Variants in TLCD4 observed in about 807,000 individuals in gnomAD.
TLCD4 encodes the protein TLC domain-containing protein 4.
Under a neutral mutation model 24.2 loss-of-function variants are expected in TLCD4, and 7 were observed. That is an observed-to-expected ratio of 0.29 (90% CI 0.16 to 0.54). TLCD4 has a LOEUF of 0.54. Ranked by LOEUF, TLCD4 falls within the 20% of genes least tolerant of loss-of-function variation. The pLI is 0.95. For synonymous variants in TLCD4, 103 were observed against 106.4 expected (o/e 0.97, Z 0.20); for missense variants, 259 against 313.9 (o/e 0.82, Z 1.32).
chr1:95,104,808 T>C, the TLCD4 span, among the ~76,000 whole-genome samples: 7 of 151,718 alleles, frequency 4.6e-5, no homozygotes, highest in Admixed American at 2.0e-4. Flanking sequence ...TGGGTGAATT[T>C]CTTGAGCTCA....
At chr1:95,175,373 CTT>C (rs1195927619) in intron 6 of TLCD4, among the ~76,000 whole-genome samples, 1 of 152,178 alleles carries the variant, frequency 6.6e-6, no homozygotes, top group Non-Finnish European at 1.5e-5. Context: ...GGATTTTCTT[CTT>C]TTTAAAGGCT....
intron 1 of TLCD4, among the ~76,000 whole-genome samples, chr1:95,133,374 T>TAA (rs1267787934): frequency 8.2e-6 from 1 of 121,560 alleles, no homozygotes; most frequent in Non-Finnish European, 1.6e-5. Context: ...CCCTAAAACT[T>TAA]AAAGTATAAT....
chr1:95,185,676 A>G (rs1471733931), intron 6 of TLCD4, among the ~76,000 whole-genome samples: 1 of 152,194 alleles, frequency 6.6e-6, no homozygotes, highest in Non-Finnish European at 1.5e-5. Context: ...TCTTTTCTTT[A>G]TGATTTTCTT....
At chr1:95,176,636 A>C (rs1460412668) in intron 6 of TLCD4, among the ~76,000 whole-genome samples, 1 of 152,196 alleles carries the variant, frequency 6.6e-6, no homozygotes, top group Non-Finnish European at 1.5e-5. Context: ...GATGTGCAGA[A>C]GATTTTAAAG....
intron 5 of TLCD4, 55 bp from the exon 6 acceptor site, chr1:95,173,761 G>C: frequency 6.2e-7 from 1 of 1,609,278 alleles, no homozygotes; most frequent in Non-Finnish European, 8.5e-7. Context: ...TACGGTATTT[G>C]GGAATTTTGT....
At chr1:95,119,283 C>G (rs2100897125) in intron 1 of TLCD4, among the ~76,000 whole-genome samples, 1 of 152,240 alleles carries the variant, frequency 6.6e-6, no homozygotes, top group South Asian at 2.1e-4. Flanking sequence ...AGTACAGATG[C>G]AAGAGTTGGC....
chr1:95,095,794 A>C, the TLCD4 span, among the ~76,000 whole-genome samples: 2 of 152,238 alleles, frequency 1.3e-5, no homozygotes, highest in African/African-American at 4.8e-5. Context: ...TAAATGATTA[A>C]GTCATGTAGG....
At chr1:95,131,997 C>T (rs1055077773) in intron 1 of TLCD4, among the ~76,000 whole-genome samples, 1 of 152,122 alleles carries the variant, frequency 6.6e-6, no homozygotes, top group Non-Finnish European at 1.5e-5. Context: ...AAAGCTGGGA[C>T]GCCACCCAGG....
chr1:95,170,361 G>A (rs962813525), intron 5 of TLCD4, among the ~76,000 whole-genome samples: 1 of 130,422 alleles, frequency 7.7e-6, no homozygotes, highest in Non-Finnish European at 1.6e-5. Flanking sequence ...GAAGAGTCTC[G>A]CTCTGTCCCC....
chr1:95,136,672 T>G (rs1019878338), intron 1 of TLCD4, among the ~76,000 whole-genome samples: 3 of 152,196 alleles, frequency 2.0e-5, no homozygotes, highest in Admixed American at 2.0e-4. Flanking sequence ...TCTAGCCACT[T>G]TTTTTGGTAT....
chr1:95,129,322 A>G (rs1247598406), intron 1 of TLCD4, among the ~76,000 whole-genome samples: 1 of 152,240 alleles, frequency 6.6e-6, no homozygotes, highest in Non-Finnish European at 1.5e-5. Context: ...AGAGAATAAA[A>G]ATATAAAGGA....
chr1:95,139,174 CAAAAAAAAAAA>C (rs71097248), intron 1 of TLCD4, among the ~76,000 whole-genome samples: 1 of 76,814 alleles, frequency 1.3e-5, no homozygotes, highest in Admixed American at 1.6e-4. Flanking sequence ...GAACCTGTGT[CAAAAAAAAAAA>C]AAAAAAAAAA....
At position 95,191,580 on chromosome 1, in the gene TLCD4, G is replaced by A. The variant is rs765627540; in HGVS notation, c.504G>A (p.Lys168=). The change falls in exon 7 of 7, where the codon AAG becomes AAA. Residue 168 remains lysine, a synonymous_variant. Coordinates refer to ENST00000370203, the MANE Select transcript of TLCD4 (RefSeq NM_152487.3). ...TCTTTGAAGCTCTGAAGTATCCCAA[G>A]TTTTCTAAAGCTATCGTTATCAATG... ...RWFFEALKYP[K]FSKAIVINGI... 3.1e-6 allele frequency: 5 copies of A among 1,612,944 alleles called. No individual in the cohort carries two copies. The highest frequency in any genetic ancestry group is 1.7e-4 in the Middle Eastern group (1 of 6,058).
At position 95,159,948 on chromosome 1, in the gene TLCD4, C is replaced by T. The variant is rs538919875; in HGVS notation, c.399+8529C>T. Among the ~76,000 whole-genome samples, 8 of 152,312 alleles carry T rather than the reference C, an allele frequency of 5.3e-5. No homozygotes were observed. The East Asian group carries it at 1.3e-3, about 26-fold the overall frequency. ...TTGAAGTCAGGTAGCATGATGCCTC[C>T]AGCATTGTTCTTTTGGCTTAGGATT... On this transcript the variant is annotated intron_variant, in intron 5 of 6. Coordinates refer to ENST00000370203, the MANE Select transcript of TLCD4 (RefSeq NM_152487.3).
intron 1 of TLCD4, among the ~76,000 whole-genome samples, chr1:95,121,746 A>G (rs1483180054): frequency 6.6e-6 from 1 of 152,248 alleles, no homozygotes; most frequent in Non-Finnish European, 1.5e-5. Flanking sequence ...TTGGGATTAC[A>G]GGCGTGAGCC....
At chr1:95,138,514 A>C (rs1223440592) in intron 1 of TLCD4, 1 of 152,204 alleles carries the variant, frequency 6.6e-6, no homozygotes, top group African/African-American at 2.4e-5. Context: ...TGAACATCAT[A>C]GAGTGCACTT....
chr1:95,185,676 A>C (rs1471733931), intron 6 of TLCD4, among the ~76,000 whole-genome samples: 1 of 152,194 alleles, frequency 6.6e-6, no homozygotes, highest in Non-Finnish European at 1.5e-5. Context: ...TCTTTTCTTT[A>C]TGATTTTCTT....
In TLCD4 at chr1:95,191,989, T is replaced by C; in HGVS notation, c.*121T>C. ...ATTGTTATTCAGGATTTCAGTGTCA[T>C]TTTTTTTAAACCTTAGAAAAGAGAA... On this transcript the variant is annotated 3_prime_UTR_variant, in exon 7 of 7. Transcript: ENST00000370203. 7.0e-7 allele frequency: 1 copy of C among 1,437,722 alleles called. No individual in the cohort carries two copies. The highest frequency in any genetic ancestry group is 1.5e-5 in the South Asian group (1 of 66,314). The allele number at this position is 1,437,722 out of a possible 1,614,324, so 89.1% of individuals were successfully genotyped here.
rs1249414625 is a variant in TLCD4 at position 95,127,492 on chromosome 1, C to A, written c.-12+9875C>A. 2.6e-5 allele frequency among the ~76,000 whole-genome samples: 4 copies of A among 152,282 alleles called. No individual in the cohort carries two copies. The East Asian group carries it at 7.7e-4, about 29-fold the overall frequency. ...AGAACAAAATATATTTGGGGAAAAT[C>A]ATGCTTTGTCCAGGTTTTCCTTGAG... On this transcript the variant is annotated intron_variant, in intron 1 of 6. Coordinates refer to ENST00000370203, the MANE Select transcript of TLCD4 (RefSeq NM_152487.3).
Sources: gnomAD v4.1 joint callset for allele counts (sites outside exome capture counted in the v4.1 genomes callset) on GRCh38, gnomAD v4.1.1 for gene constraint, MANE v1.5 for transcripts, NCBI Gene and HGNC (gene_info 2026-07-23, HGNC 2026-07-21) for gene names.